Variants in SLCO4C1 observed in about 807,000 individuals in gnomAD.
SLCO4C1 encodes solute carrier organic anion transporter family member 4C1.
SLCO4C1 carries 58 observed loss-of-function variants against 72.1 expected under a neutral mutation model. That is an observed-to-expected ratio of 0.80 (90% CI 0.65 to 1.00). The LOEUF is 1.00. Ranked by LOEUF, SLCO4C1 falls within the 50% of genes least tolerant of loss-of-function variation. SLCO4C1 has a pLI of 0.00. For synonymous variants in SLCO4C1, 297 were observed against 312.5 expected, an observed-to-expected ratio of 0.95 and a Z score of 0.52; for missense variants, 898 against 857.9, an observed-to-expected ratio of 1.05 and a Z score of -0.58.
intron 1 of SLCO4C1, among the ~76,000 whole-genome samples, chr5:102,292,356 C>A (rs1205015721): frequency 6.6e-6 from 1 of 152,114 alleles, no homozygotes; most frequent in African/African-American, 2.4e-5. Flanking sequence ...CCCCATAGGC[C>A]ACTACAGTTA....
Position 102,238,085 on chromosome 5 carries a change from C to T in SLCO4C1, c.2015-1067G>A, listed in dbSNP as rs180762484. ...TATTTGAAAAACAGGAATGCTCATTCATCTAGGCATTACTAGACTATAGAA... is the reference window on the plus strand; with the variant it reads ...TATTTGAAAAACAGGAATGCTCATTTATCTAGGCATTACTAGACTATAGAA... On this transcript the variant is annotated intron_variant, in intron 12 of 12. Transcript: ENST00000310954. Among the ~76,000 whole-genome samples, 5 of 152,244 alleles carry T rather than the reference C, an allele frequency of 3.3e-5. No homozygotes were observed. The East Asian group carries it at 7.7e-4, about 23-fold the overall frequency.
In SLCO4C1 at chr5:102,284,841, AT is replaced by A. The variant is rs373090071; in HGVS notation, c.619+6501del. The stretch of plus-strand genomic sequence containing the variant: ...GTTTGTGCTAAAATTTCATTGACAC[AT>A]TTTTTTCCTACTTATTTTTCTCTGT... On this transcript the variant is annotated intron_variant, in intron 2 of 12. Transcript: ENST00000310954. 4.3e-4 allele frequency among the ~76,000 whole-genome samples: 66 copies of A among 152,026 alleles called. No homozygotes were observed. In the East Asian group the frequency reaches 0.012, roughly 27 times the overall value.
chr5:102,247,542 C>G, intron 9 of SLCO4C1, 100 bp from the exon 10 acceptor site: 1 of 704,102 alleles, frequency 1.4e-6, no homozygotes, highest in South Asian at 3.7e-5. Context: ...CTCATACTGT[C>G]TTAATCCATA....
In SLCO4C1 at chr5:102,291,505, T is replaced by C. The variant is rs1168620466; in HGVS notation, c.457A>G (p.Ile153Val). The change falls in exon 2 of 13, where the codon ATT (isoleucine) becomes GTT (valine). Residue 153 changes from isoleucine (I) to valine (V), a missense_variant. Ile to Val is a conservative substitution (Grantham distance 29, BLOSUM62 3). Transcript: ENST00000310954. ...LTGLISSSYD[I>V]SFCLLSLFVS... ...AATAAAGACAACAAACAGAATGAAA[T>C]ATCGTAGCTTGATGAAATCAGGCCA... 1 of 1,614,088 alleles carries C rather than the reference T, an allele frequency of 6.2e-7. No homozygotes were observed. The highest frequency in any genetic ancestry group is 8.5e-7 in the Non-Finnish European group (1 of 1,180,024).
chr5:102,267,637 TTA>T lies in SLCO4C1; in HGVS notation c.802+2985_802+2986del, dbSNP rs751304262. On this transcript the variant is annotated intron_variant, in intron 3 of 12. Coordinates refer to ENST00000310954, the MANE Select transcript of SLCO4C1 (RefSeq NM_180991.5). Reference sequence around the variant, plus strand: ...TTGTTTAGTTCTGTTATAGTCTTTATTATTTCTTTCCTTCTAATTTTGGGTTT... The same window carrying T: ...TTGTTTAGTTCTGTTATAGTCTTTATTTTCTTTCCTTCTAATTTTGGGTTT... 1.7e-3 allele frequency among the ~76,000 whole-genome samples: 114 copies of T among 68,430 alleles called. 1 individual carries two copies. Among genetic ancestry groups the T allele is most frequent in the Admixed American group, 4.0e-3 (24 of 5,964 alleles). 44.9% of individuals were successfully genotyped at this position (68,430 alleles called of 152,430 possible).
At chr5:102,294,010 G>T (rs1749602840) in intron 1 of SLCO4C1, among the ~76,000 whole-genome samples, 1 of 152,236 alleles carries the variant, frequency 6.6e-6, no homozygotes, top group Non-Finnish European at 1.5e-5. Context: ...CTGGGTTCAA[G>T]TGTTTTTCCC....
At chr5:102,254,975 TACTC>T (rs1165882526) in intron 8 of SLCO4C1, among the ~76,000 whole-genome samples, 2 of 152,146 alleles carry the variant, frequency 1.3e-5, no homozygotes, top group Non-Finnish European at 2.9e-5. Context: ...CACATTTTAA[TACTC>T]AGTGTATAGA....
chr5:102,240,809 C>A (rs1561364522), intron 10 of SLCO4C1, 27 bp from the exon 11 acceptor site: 4 of 1,537,752 alleles, frequency 2.6e-6, no homozygotes, highest in South Asian at 2.3e-5. Flanking sequence ...TATATGAGAC[C>A]AAAAAAGGTG....
chr5:102,240,066 G>A (rs1748510787), intron 11 of SLCO4C1, among the ~76,000 whole-genome samples: 1 of 152,010 alleles, frequency 6.6e-6, no homozygotes, highest in Non-Finnish European at 1.5e-5. Context: ...TCAGAGTTAG[G>A]AATCATTTTC....
intron 12 of SLCO4C1, 54 bp from the exon 13 acceptor site, chr5:102,237,072 T>A (rs1016873328): frequency 2.0e-6 from 3 of 1,473,636 alleles, no homozygotes; most frequent in Non-Finnish European, 2.7e-6. Flanking sequence ...ATGATAAAAA[T>A]TATCACTGAG....
intron 9 of SLCO4C1, among the ~76,000 whole-genome samples, chr5:102,247,667 T>C (rs183752461): frequency 8.1e-4 from 123 of 152,292 alleles, no homozygotes; most frequent in African/African-American, 2.9e-3. Flanking sequence ...ATTACTTCAG[T>C]TTGTAACCTG....
chr5:102,239,290 A>G lies in SLCO4C1; in HGVS notation c.1975T>C (p.Tyr659His). ...ATATGGGCCATCTTGATGTTATCAT[A>G]AATCCAGCAAGCTCCTTTAATTCCA... ...DCGIKGACWI[Y>H]DNIKMAHMLV... is the part of the protein sequence containing the mutation. The change falls in exon 12 of 13, where the codon TAT becomes CAT. Residue 659 changes from tyrosine (Y) to histidine (H), a missense_variant. Transcript: ENST00000310954. The G allele has an allele frequency of 2.5e-6, 4 of 1,600,774 alleles. No homozygotes were observed. Among genetic ancestry groups the G allele is most frequent in the Non-Finnish European group, 2.6e-6 (3 of 1,173,720 alleles).
chr5:102,264,061 CT>C (rs1748991448), intron 3 of SLCO4C1, among the ~76,000 whole-genome samples: 1 of 152,032 alleles, frequency 6.6e-6, no homozygotes. Flanking sequence ...GGTAGTATAT[CT>C]ACCATTTATC....
At chr5:102,267,205 GTTC>G (rs1025907470) in intron 3 of SLCO4C1, among the ~76,000 whole-genome samples, 3 of 152,260 alleles carry the variant, frequency 2.0e-5, no homozygotes, top group Admixed American at 6.5e-5. Flanking sequence ...CTGGTGCTAA[GTTC>G]TTCTTTACAA....
At chr5:102,270,395 G>A (rs1208571306) in intron 3 of SLCO4C1, among the ~76,000 whole-genome samples, 1 of 151,958 alleles carries the variant, frequency 6.6e-6, no homozygotes, top group African/African-American at 2.4e-5. Context: ...CTGCAAAGCT[G>A]GCATGCCTAG....
At chr5:102,276,895 C>T (rs1397689835) in intron 2 of SLCO4C1, among the ~76,000 whole-genome samples, 2 of 152,098 alleles carry the variant, frequency 1.3e-5, no homozygotes, top group Non-Finnish European at 2.9e-5. Context: ...TACTAGAATT[C>T]AACAAGGCAG....
rs573154592 is a variant in SLCO4C1, at chr5:102,240,283, T to A, written c.1876+435A>T. Among the ~76,000 whole-genome samples, 32 of 152,250 alleles carry A rather than the reference T, an allele frequency of 2.1e-4. No homozygotes were observed. The East Asian group carries it at 6.0e-3, about 28-fold the overall frequency. On this transcript the variant is annotated intron_variant, in intron 11 of 12. Transcript: ENST00000310954. ...AATTTGTCCTGTACCTGGAACTTTA[T>A]AAAATTCTCTGGTACAAATTCTTTC...
At chr5:102,290,754 G>GT (rs1453977153) in intron 2 of SLCO4C1, among the ~76,000 whole-genome samples, 2 of 151,940 alleles carry the variant, frequency 1.3e-5, no homozygotes, top group Non-Finnish European at 2.9e-5. Context: ...TACTATATTT[G>GT]TTTTTTTATT....
intron 2 of SLCO4C1, among the ~76,000 whole-genome samples, chr5:102,283,505 GCGTTT>G (rs1254301374): frequency 6.6e-6 from 1 of 150,746 alleles, no homozygotes; most frequent in Non-Finnish European, 1.5e-5. Context: ...GCAAATTTGT[GCGTTT>G]TTAAGAATAG....
Sources: gnomAD v4.1 joint callset for allele counts (sites outside exome capture counted in the v4.1 genomes callset) on GRCh38, gnomAD v4.1.1 for gene constraint, MANE v1.5 for transcripts, NCBI Gene and HGNC (gene_info 2026-07-23, HGNC 2026-07-21) for gene names.